Variants in PDE9A observed in about 807,000 individuals in gnomAD.
PDE9A encodes phosphodiesterase 9A, also known as high affinity cGMP-specific 3',5'-cyclic phosphodiesterase 9A.
Under a neutral mutation model 87.4 loss-of-function variants are expected in PDE9A, and 60 were observed. The observed-to-expected ratio is 0.69, with a 90% CI of 0.56 to 0.85. PDE9A has a LOEUF of 0.85. PDE9A is among the 40% of genes least tolerant of loss of function. The pLI, the probability that PDE9A is intolerant of heterozygous loss-of-function variation, is 0.00. For synonymous variants in PDE9A, 272 were observed against 279.4 expected (o/e 0.97, Z 0.27); for missense variants, 665 against 779.0 (o/e 0.85, Z 1.74).
At chr21:42,747,359 C>CA (rs1423654772) in intron 8 of PDE9A, among the ~76,000 whole-genome samples, 2 of 152,164 alleles carry the variant, frequency 1.3e-5, no homozygotes, top group Non-Finnish European at 2.9e-5. Flanking sequence ...AGCCAGAGGC[C>CA]AGCGTTCTTG....
chr21:42,768,067 T>C (rs188591098), intron 15 of PDE9A, 121 bp from the exon 16 acceptor site: 1 of 674,704 alleles, frequency 1.5e-6, no homozygotes, highest in African/African-American at 1.8e-5. Flanking sequence ...CCAAGCTCAG[T>C]TGCATGGTCC....
At chr21:42,725,375 G>T (rs1376068171) in intron 4 of PDE9A, among the ~76,000 whole-genome samples, 1 of 152,124 alleles carries the variant, frequency 6.6e-6, no homozygotes, top group Non-Finnish European at 1.5e-5. Flanking sequence ...GAGTAGGTGT[G>T]ATTACAGGCA....
chr21:42,743,819 C>T lies in PDE9A; in HGVS notation c.612C>T (p.Asp204=). 6.3e-7 allele frequency: 1 copy of T among 1,592,732 alleles called. No homozygotes were observed. The change falls in exon 8 of 20, where the codon GAC becomes GAT. Residue 204 remains aspartate, a synonymous_variant. Transcript: ENST00000291539. ...KVVEIEKCKS[D]IKKMREELAA... is the part of the protein sequence containing the mutation. Reference sequence around the variant, plus strand: ...TGGAGATTGAGAAATGCAAGAGTGACATTAAGAAGATGAGGGAGGAGCTGG... The same window carrying T: ...TGGAGATTGAGAAATGCAAGAGTGATATTAAGAAGATGAGGGAGGAGCTGG...
chr21:42,741,364 G>A (rs2053234545), intron 7 of PDE9A: 1 of 152,240 alleles, frequency 6.6e-6, no homozygotes, highest in Non-Finnish European at 1.5e-5. Flanking sequence ...CATGATGCTG[G>A]AGAAAACGGA....
chr21:42,757,656 C>T (rs1473382646), intron 10 of PDE9A: 1 of 151,994 alleles, frequency 6.6e-6, no homozygotes, highest in African/African-American at 2.4e-5. Flanking sequence ...GCTGGGGCCT[C>T]GGTCCCTGGT....
chr21:42,755,553 T>C (rs2054941003), intron 10 of PDE9A, among the ~76,000 whole-genome samples: 1 of 152,148 alleles, frequency 6.6e-6, no homozygotes, highest in South Asian at 2.1e-4. Flanking sequence ...GCTTTAAATA[T>C]GCAGAATGAC....
chr21:42,654,322 C>T (rs2056885503), intron 1 of PDE9A, among the ~76,000 whole-genome samples: 1 of 152,104 alleles, frequency 6.6e-6, no homozygotes, highest in African/African-American at 2.4e-5. Context: ...AGGTGAGTAG[C>T]TCCGACTGCA....
At chr21:42,725,275 T>C (rs1044417402) in intron 4 of PDE9A, among the ~76,000 whole-genome samples, 1 of 152,146 alleles carries the variant, frequency 6.6e-6, no homozygotes, top group African/African-American at 2.4e-5. Context: ...TTCGCTCTTG[T>C]TGCCCAGGCT....
chr21:42,717,431 C>T (rs535275640), intron 4 of PDE9A, among the ~76,000 whole-genome samples: 5 of 149,816 alleles, frequency 3.3e-5, no homozygotes, highest in African/African-American at 1.2e-4. Flanking sequence ...CCTGGGATTA[C>T]AGGCGCCCAC....
intron 4 of PDE9A, among the ~76,000 whole-genome samples, chr21:42,730,039 A>G (rs58334649): frequency 0.18 from 26,662 of 152,166 alleles, 2,653 homozygotes; most frequent in African/African-American, 0.28. Context: ...ATTTATCTCA[A>G]GACTCTGAGA....
chr21:42,716,416 T>C (rs1402250137), intron 4 of PDE9A, among the ~76,000 whole-genome samples: 2 of 151,830 alleles, frequency 1.3e-5, no homozygotes, highest in Non-Finnish European at 2.9e-5. Context: ...GTCTTGGATT[T>C]TCACCACTCT....
intron 4 of PDE9A, among the ~76,000 whole-genome samples, chr21:42,730,522 T>C (rs541032605): frequency 6.6e-6 from 1 of 152,296 alleles, no homozygotes; most frequent in African/African-American, 2.4e-5. Context: ...GAAGCAAACA[T>C]TTTTAAATAA....
rs1306057927 is a variant in PDE9A, at chr21:42,722,328, C to A, written c.263-9442C>A. On this transcript the variant is annotated intron_variant, in intron 4 of 19. Transcript: ENST00000291539. The surrounding 1 kb of genome is among the most constrained non-coding windows in gnomAD (Gnocchi z 4.1). ...GAAGTGTCTGCTAAGTATGTATTCA[C>A]CGGAGGGTGCTCAGCACCTCGCCCT... Among the ~76,000 whole-genome samples, 1 of 152,156 alleles carries A rather than the reference C, an allele frequency of 6.6e-6. No homozygotes were observed. Among genetic ancestry groups the A allele is most frequent in the Non-Finnish European group, 1.5e-5 (1 of 68,030 alleles).
At chr21:42,689,848 T>A in intron 3 of PDE9A, 1 of 985,250 alleles carries the variant, frequency 1.0e-6, no homozygotes, top group Non-Finnish European at 1.2e-6. Context: ...GCAGTGGACG[T>A]GGACAGGGGA....
In PDE9A at chr21:42,739,078, G is replaced by A. The variant is rs910135179; in HGVS notation, c.569-4698G>A. Reference sequence around the variant, plus strand: ...GTCCTAGGGTCCACACCTGGTCAGCGGGAATAACAGGCAGCCGTGGGCTGG... The same window carrying A: ...GTCCTAGGGTCCACACCTGGTCAGCAGGAATAACAGGCAGCCGTGGGCTGG... On this transcript the variant is annotated intron_variant, in intron 7 of 19. Coordinates refer to ENST00000291539, the MANE Select transcript of PDE9A (RefSeq NM_002606.3). The surrounding 1 kb of genome is among the most constrained non-coding windows in gnomAD (Gnocchi z 4.1). Among the ~76,000 whole-genome samples the A allele has an allele frequency of 1.4e-4, 22 of 152,246 alleles. No homozygotes were observed. Among genetic ancestry groups the A allele is most frequent in the Non-Finnish European group, 2.8e-4 (19 of 68,044 alleles).
chr21:42,686,969 A>G (rs2059514024), intron 2 of PDE9A, among the ~76,000 whole-genome samples: 1 of 152,164 alleles, frequency 6.6e-6, no homozygotes, highest in Non-Finnish European at 1.5e-5. Flanking sequence ...CCAGATCAAC[A>G]CTGGGTGAAA....
At chr21:42,774,130 C>T (rs1006115664) in intron 19 of PDE9A, among the ~76,000 whole-genome samples, 2 of 151,858 alleles carry the variant, frequency 1.3e-5, no homozygotes, top group Non-Finnish European at 2.9e-5. Context: ...GACTCCATCT[C>T]AAAAAAATAT....
At chr21:42,711,506 C>G (rs2049342247) in intron 4 of PDE9A, among the ~76,000 whole-genome samples, 1 of 152,062 alleles carries the variant, frequency 6.6e-6, no homozygotes, top group African/African-American at 2.4e-5. Context: ...CCACCTCGGC[C>G]TCCCAAAGTG....
intron 3 of PDE9A, among the ~76,000 whole-genome samples, chr21:42,690,394 A>G (rs1158819281): frequency 6.6e-6 from 1 of 152,150 alleles, no homozygotes; most frequent in Admixed American, 6.5e-5. Context: ...GGATCTAGAC[A>G]GCGATGTGGA....
Sources: allele counts gnomAD v4.1 joint callset (sites outside exome capture counted in the v4.1 genomes callset), GRCh38; gene constraint gnomAD v4.1.1; non-coding constraint Gnocchi (gnomAD v3.1); transcripts MANE v1.5; gene names NCBI Gene and HGNC (gene_info 2026-07-23, HGNC 2026-07-21).